Variants in HSPA4L observed in about 807,000 individuals in gnomAD.
HSPA4L encodes heat shock protein family A (Hsp70) member 4 like, also known as heat shock 70 kDa protein 4L.
In HSPA4L, 48 loss-of-function variants were observed where a neutral mutation model predicts 100.3. The observed-to-expected ratio is 0.48, with a 90% CI of 0.38 to 0.61. The LOEUF (loss-of-function observed/expected upper bound fraction) is 0.61. Among genes scored for constraint, HSPA4L ranks in the 20% least tolerant of loss-of-function variants. The pLI is 0.00. For synonymous variants in HSPA4L, 319 were observed against 328.2 expected, an observed-to-expected ratio of 0.97 and a Z score of 0.30; for missense variants, 886 against 988.6, an observed-to-expected ratio of 0.90 and a Z score of 1.39.
chr4:127,804,952 T>C (rs999284151), intron 8 of HSPA4L, 121 bp from the exon 9 acceptor site: 10 of 601,196 alleles, frequency 1.7e-5, no homozygotes, highest in Admixed American at 3.2e-5. Context: ...AATTGTATTT[T>C]TCTTCCCTTT....
At chr4:127,808,901 C>A (rs531821468) in intron 11 of HSPA4L, among the ~76,000 whole-genome samples, 2 of 152,050 alleles carry the variant, frequency 1.3e-5, no homozygotes, top group African/African-American at 4.8e-5. Flanking sequence ...CCAGCCTAGG[C>A]GACACAGTGA....
chr4:127,812,079 A>G (rs1346906673), intron 12 of HSPA4L, among the ~76,000 whole-genome samples: 3 of 152,126 alleles, frequency 2.0e-5, no homozygotes, highest in Non-Finnish European at 4.4e-5. Flanking sequence ...TGAGACAGTT[A>G]AGCAGAGGAA....
chr4:127,783,499 TATGTC>T (rs1437609963), intron 1 of HSPA4L: 1 of 1,467,332 alleles, frequency 6.8e-7, no homozygotes, highest in Non-Finnish European at 9.0e-7. Flanking sequence ...GGAGCGGCGT[TATGTC>T]ATGGAAACAT....
intron 9 of HSPA4L, 122 bp downstream of exon 9, chr4:127,805,346 T>C: frequency 1.4e-6 from 1 of 706,474 alleles, no homozygotes; most frequent in Non-Finnish European, 2.2e-6. Flanking sequence ...AAATTGAAGT[T>C]ATTTCTGATA....
chr4:127,829,355 G>A (rs571280030), intron 17 of HSPA4L, among the ~76,000 whole-genome samples: 1 of 152,098 alleles, frequency 6.6e-6, no homozygotes, highest in South Asian at 2.1e-4. Flanking sequence ...ATAGGAAGCT[G>A]TTGGAGGTTT....
At chr4:127,789,470 C>A (rs986026437) in intron 1 of HSPA4L, among the ~76,000 whole-genome samples, 2 of 152,014 alleles carry the variant, frequency 1.3e-5, no homozygotes, top group African/African-American at 4.8e-5. Context: ...CATGGTGAAA[C>A]CCTGTCTCTA....
intron 1 of HSPA4L, chr4:127,783,500 A>G: frequency 6.8e-7 from 1 of 1,468,328 alleles, no homozygotes; most frequent in Non-Finnish European, 9.0e-7. Flanking sequence ...GAGCGGCGTT[A>G]TGTCATGGAA....
intron 12 of HSPA4L, among the ~76,000 whole-genome samples, chr4:127,815,185 A>AT (rs1733642485): frequency 6.6e-6 from 1 of 151,356 alleles, no homozygotes; most frequent in Non-Finnish European, 1.5e-5. Context: ...TGTATGTGTT[A>AT]TTTTCTAATT....
intron 14 of HSPA4L, among the ~76,000 whole-genome samples, chr4:127,820,857 C>T (rs1029956428): frequency 1.3e-5 from 2 of 152,028 alleles, no homozygotes; most frequent in Non-Finnish European, 2.9e-5. Context: ...CCCAGCAGAC[C>T]ACATATGGGG....
chr4:127,824,253 CTT>C (rs1733887795), intron 16 of HSPA4L, among the ~76,000 whole-genome samples: 1 of 152,132 alleles, frequency 6.6e-6, no homozygotes, highest in African/African-American at 2.4e-5. Context: ...CTGATGGACA[CTT>C]AGATTGAGTC....
At chr4:127,810,265 T>G (rs1253537240) in intron 11 of HSPA4L, among the ~76,000 whole-genome samples, 1 of 152,210 alleles carries the variant, frequency 6.6e-6, no homozygotes, top group African/African-American at 2.4e-5. Flanking sequence ...TTTTTCTATG[T>G]ACTGCTTTAT....
At chr4:127,825,274 G>T (rs1733921686) in intron 16 of HSPA4L, among the ~76,000 whole-genome samples, 1 of 152,114 alleles carries the variant, frequency 6.6e-6, no homozygotes, top group South Asian at 2.1e-4. Flanking sequence ...TTTTGATTCA[G>T]TAGATACAAG....
At chr4:127,812,620 T>C in intron 12 of HSPA4L, 1 of 649,306 alleles carries the variant, frequency 1.5e-6, no homozygotes, top group Non-Finnish European at 2.7e-6. Flanking sequence ...CTAATTACAA[T>C]TGGAAGTCTG....
At chr4:127,812,431 A>C (rs1244182888) in intron 12 of HSPA4L, among the ~76,000 whole-genome samples, 1 of 151,746 alleles carries the variant, frequency 6.6e-6, no homozygotes, top group African/African-American at 2.4e-5. Context: ...CAAAAAAAAA[A>C]ACAGATTTTT....
chr4:127,795,688 G>C, intron 2 of HSPA4L, 80 bp from the exon 3 acceptor site: 2 of 1,365,606 alleles, frequency 1.5e-6, no homozygotes, highest in East Asian at 2.3e-5. Context: ...AAAGGAACTT[G>C]GTGGTTGTCA....
chr4:127,830,744 TAAGTCTCACTCAAGATCCTGTGGTAA>T lies in HSPA4L; in HGVS notation c.2278_2303del (p.Leu760PhefsTer12). The T allele has an allele frequency of 6.2e-7, 1 of 1,606,646 alleles. No individual in the cohort carries two copies. Among genetic ancestry groups the T allele is most frequent in the Non-Finnish European group, 8.5e-7 (1 of 1,177,042 alleles). The stretch of plus-strand genomic sequence containing the variant: ...AGTAAGATGAATGCACAGAACAAAC[TAAGTCTCACTCAAGATCCTGTGGTAA>T]AAGTTTCAGAAATAGTAGCAAAGTC... On this transcript the variant is annotated frameshift_variant, in exon 18 of 19. Coordinates refer to ENST00000296464, the MANE Select transcript of HSPA4L (RefSeq NM_014278.4). LOFTEE classifies it high-confidence loss of function.
intron 3 of HSPA4L, 100 bp downstream of exon 3, chr4:127,796,008 C>A: frequency 9.4e-7 from 1 of 1,069,070 alleles, no homozygotes; most frequent in Non-Finnish European, 1.4e-6. Context: ...CCTCTAGATA[C>A]AGTACATACA....
chr4:127,808,206 T>G (rs1733419002), intron 11 of HSPA4L, 77 bp downstream of exon 11: 1 of 1,240,480 alleles, frequency 8.1e-7, no homozygotes, highest in Admixed American at 2.4e-5. Context: ...AGGAAACAAA[T>G]AGACATTTCA....
At chr4:127,812,948 G>T (rs1733578770) in intron 12 of HSPA4L, 1 of 821,030 alleles carries the variant, frequency 1.2e-6, no homozygotes, top group Admixed American at 1.9e-5. Context: ...CTCTTGGCAA[G>T]AATCTTGCCC....
Sources: allele counts gnomAD v4.1 joint callset (sites outside exome capture counted in the v4.1 genomes callset), GRCh38; gene constraint gnomAD v4.1.1; transcripts MANE v1.5; gene names NCBI Gene and HGNC (gene_info 2026-07-23, HGNC 2026-07-21).